The following TENM2 variants were observed in gnomAD, a reference collection of about 807,000 sequenced individuals.
TENM2 encodes teneurin transmembrane protein 2, also known as teneurin-2.
TENM2 carries 52 observed loss-of-function variants against 245.2 expected under a neutral mutation model. The ratio of observed to expected loss-of-function variants is 0.21; its 90% CI spans 0.17 to 0.27. The LOEUF is 0.27. TENM2 is among the 10% of genes least tolerant of loss of function. The pLI is 1.00. For missense variants in TENM2, 3,046 were observed against 3,666.8 expected, an observed-to-expected ratio of 0.83 and a Z score of 4.37; for synonymous variants, 1,363 against 1,438.9, an observed-to-expected ratio of 0.95 and a Z score of 1.19.
the TENM2 span, among the ~76,000 whole-genome samples, chr5:167,242,053 T>G: frequency 9.3e-5 from 14 of 150,534 alleles, no homozygotes; most frequent in East Asian, 7.7e-4. Context: ...TTTGTTTTTT[T>G]TTTTTTTTGA....
chr5:167,978,639 C>T (rs1003399041), intron 4 of TENM2, among the ~76,000 whole-genome samples: 2 of 147,424 alleles, frequency 1.4e-5, no homozygotes, highest in Admixed American at 6.8e-5. Flanking sequence ...GAAGGAATGG[C>T]GAGTTACTGT....
chr5:167,276,591 C>T, the TENM2 span, among the ~76,000 whole-genome samples: 1 of 151,984 alleles, frequency 6.6e-6, no homozygotes, highest in Non-Finnish European at 1.5e-5. Flanking sequence ...TACCTCTCAG[C>T]ATCCACAGGG....
chr5:168,155,410 G>A (rs572088276), intron 12 of TENM2, among the ~76,000 whole-genome samples: 85 of 151,814 alleles, frequency 5.6e-4, no homozygotes, highest in Non-Finnish European at 1.0e-3. Flanking sequence ...GAAAGGGGGG[G>A]GGGGTCCATA....
chr5:168,245,308 C>G (rs556558976), intron 26 of TENM2, among the ~76,000 whole-genome samples: 1 of 152,144 alleles, frequency 6.6e-6, no homozygotes, highest in East Asian at 1.9e-4. Context: ...GAAAAAAGTA[C>G]TGTTGAAGCG....
chr5:167,343,538 C>A (rs983843401), intron 1 of TENM2, among the ~76,000 whole-genome samples: 1 of 152,158 alleles, frequency 6.6e-6, no homozygotes, highest in Non-Finnish European at 1.5e-5. Flanking sequence ...TATTTACTAA[C>A]ACCTCTAAAA....
chr5:167,102,450 C>T, the TENM2 span, among the ~76,000 whole-genome samples: 11 of 152,086 alleles, frequency 7.2e-5, no homozygotes, highest in African/African-American at 2.7e-4. Context: ...GAGTACTCTT[C>T]CCATTTGGTA....
At chr5:167,215,351 G>A in the TENM2 span, among the ~76,000 whole-genome samples, 1 of 152,284 alleles carries the variant, frequency 6.6e-6, no homozygotes, top group East Asian at 1.9e-4. Context: ...ACTCTAACGT[G>A]CGGGCAAAAT....
intron 9 of TENM2, among the ~76,000 whole-genome samples, chr5:168,115,306 A>AGGAAGGAAGGGAAGGAAG (rs55957924): frequency 1.0e-4 from 14 of 137,478 alleles, no homozygotes; most frequent in South Asian, 2.6e-4. Context: ...AAAAGAAAGA[A>AGGAAGGAAGGGAAGGAAG]GGAAGGAAGG....
At chr5:167,128,555 A>G in the TENM2 span, among the ~76,000 whole-genome samples, 1 of 140,642 alleles carries the variant, frequency 7.1e-6, no homozygotes, top group East Asian at 2.0e-4. Flanking sequence ...ACTTTCATTA[A>G]AAAAAAAAAA....
chr5:167,679,795 T>TA (rs1756578414), intron 2 of TENM2, among the ~76,000 whole-genome samples: 1 of 152,118 alleles, frequency 6.6e-6, no homozygotes, highest in Non-Finnish European at 1.5e-5. Context: ...TCCCTACATG[T>TA]AAAAAAAGGA....
At chr5:167,580,732 A>G (rs1401527938) in intron 2 of TENM2, among the ~76,000 whole-genome samples, 3 of 152,220 alleles carry the variant, frequency 2.0e-5, no homozygotes, top group African/African-American at 7.2e-5. Context: ...GCTCATGCCT[A>G]TAATCCCAGC....
intron 2 of TENM2, among the ~76,000 whole-genome samples, chr5:167,699,708 C>CCT (rs1758015515): frequency 6.6e-6 from 1 of 152,182 alleles, no homozygotes; most frequent in South Asian, 2.1e-4. Flanking sequence ...ATCGAACATC[C>CCT]CTCCTCCAGT....
chr5:167,148,326 C>T, the TENM2 span, among the ~76,000 whole-genome samples: 1 of 152,188 alleles, frequency 6.6e-6, no homozygotes, highest in South Asian at 2.1e-4. Context: ...GTTCAGTCTG[C>T]CTTAAAATTA....
At chr5:167,329,120 C>CA (rs1757274113) in intron 1 of TENM2, among the ~76,000 whole-genome samples, 1 of 152,118 alleles carries the variant, frequency 6.6e-6, no homozygotes, top group Admixed American at 6.5e-5. Flanking sequence ...TGGCTTCATG[C>CA]AACAACAACC....
chr5:167,311,431 A>G (rs1483152905), intron 1 of TENM2, among the ~76,000 whole-genome samples: 1 of 152,146 alleles, frequency 6.6e-6, no homozygotes, highest in Admixed American at 6.5e-5. Flanking sequence ...TTGGAATTAT[A>G]TGTGCTATTT....
At chr5:167,230,266 T>C in the TENM2 span, among the ~76,000 whole-genome samples, 6 of 152,172 alleles carry the variant, frequency 3.9e-5, no homozygotes, top group Non-Finnish European at 8.8e-5. Context: ...TATAGGAGTC[T>C]GCTGTGGAAA....
At chr5:167,129,680 G>A in the TENM2 span, among the ~76,000 whole-genome samples, 1 of 152,118 alleles carries the variant, frequency 6.6e-6, no homozygotes, top group Non-Finnish European at 1.5e-5. Context: ...AAAATACTTA[G>A]CACAGTGCTT....
chr5:167,182,366 A>C, the TENM2 span, among the ~76,000 whole-genome samples: 3 of 152,078 alleles, frequency 2.0e-5, no homozygotes, highest in South Asian at 4.1e-4. Flanking sequence ...TTTTCTTGAG[A>C]GACTTTTGTT....
At chr5:167,591,002 CA>C (rs1304184671) in intron 2 of TENM2, among the ~76,000 whole-genome samples, 1 of 152,168 alleles carries the variant, frequency 6.6e-6, no homozygotes, top group African/African-American at 2.4e-5. Context: ...TGTAACTGCA[CA>C]AAGTACAATG....
Sources: allele counts gnomAD v4.1 joint callset (sites outside exome capture counted in the v4.1 genomes callset), GRCh38; gene constraint gnomAD v4.1.1; transcripts MANE v1.5; gene names NCBI Gene and HGNC (gene_info 2026-07-23, HGNC 2026-07-21).